The following PDZRN3 variants were observed in gnomAD, a reference collection of about 807,000 sequenced individuals.
PDZRN3 encodes the protein PDZ domain containing ring finger 3, also known as E3 ubiquitin-protein ligase PDZRN3.
In PDZRN3, 38 loss-of-function variants were observed where a neutral mutation model predicts 85.7. The observed-to-expected ratio is 0.44, with a 90% CI of 0.34 to 0.58. PDZRN3 has a LOEUF of 0.58. Among genes scored for constraint, PDZRN3 ranks in the 20% least tolerant of loss-of-function variants. The pLI is 0.01. For missense variants in PDZRN3, 1,629 were observed against 1,506.4 expected (o/e 1.08, Z -1.35); for synonymous variants, 759 against 638.0 (o/e 1.19, Z -2.86).
At chr3:73,487,200 C>A (rs1386466947) in intron 3 of PDZRN3, among the ~76,000 whole-genome samples, 9 of 152,036 alleles carry the variant, frequency 5.9e-5, no homozygotes, top group African/African-American at 1.9e-4. Context: ...GTATTTCCTA[C>A]ATGATAGTGT....
intron 3 of PDZRN3, among the ~76,000 whole-genome samples, chr3:73,404,716 C>CT (rs1168591720): frequency 2.6e-5 from 4 of 152,204 alleles, no homozygotes; most frequent in Admixed American, 1.3e-4. Context: ...GGCTCCGAGC[C>CT]TTTATCAGGC....
intron 3 of PDZRN3, among the ~76,000 whole-genome samples, chr3:73,598,965 C>T (rs1213007668): frequency 6.6e-6 from 1 of 152,154 alleles, no homozygotes; most frequent in African/African-American, 2.4e-5. Context: ...CCAGAGATGA[C>T]ACGAAGAATC....
At chr3:73,569,130 C>G (rs1276661589) in intron 3 of PDZRN3, 1 of 1,275,826 alleles carries the variant, frequency 7.8e-7, no homozygotes, top group Admixed American at 2.3e-5. Flanking sequence ...TCACACACCC[C>G]TTTTCATCAC....
intron 3 of PDZRN3, among the ~76,000 whole-genome samples, chr3:73,459,207 C>T (rs184674292): frequency 2.0e-5 from 3 of 152,064 alleles, no homozygotes; most frequent in Non-Finnish European, 2.9e-5. Flanking sequence ...AAGAACAGTA[C>T]TGGGGAAACC....
intron 1 of PDZRN3, among the ~76,000 whole-genome samples, chr3:73,619,148 C>T (rs1020751626): frequency 4.6e-5 from 7 of 152,142 alleles, no homozygotes; most frequent in Non-Finnish European, 1.5e-5. Flanking sequence ...ATTTTGTTAA[C>T]TGGGTCATCA....
intron 3 of PDZRN3, among the ~76,000 whole-genome samples, chr3:73,600,337 A>ACACACACTCTCT (rs34405662): frequency 2.0e-3 from 199 of 100,074 alleles, no homozygotes; most frequent in Non-Finnish European, 2.7e-3. Flanking sequence ...ACACACACAC[A>ACACACACTCTCT]CTCTCTCTCT....
intron 5 of PDZRN3, among the ~76,000 whole-genome samples, chr3:73,398,224 TC>T (rs1701679172): frequency 6.6e-6 from 1 of 152,126 alleles, no homozygotes; most frequent in African/African-American, 2.4e-5. Flanking sequence ...GCTCAGTCGT[TC>T]CTAGGCCCTG....
At chr3:73,471,005 C>A (rs1703327271) in intron 3 of PDZRN3, among the ~76,000 whole-genome samples, 2 of 152,204 alleles carry the variant, frequency 1.3e-5, no homozygotes, top group Admixed American at 1.3e-4. Context: ...CCACCCCCGA[C>A]TGACTCAAAA....
At chr3:73,444,891 A>G (rs1702718148) in intron 3 of PDZRN3, among the ~76,000 whole-genome samples, 1 of 152,246 alleles carries the variant, frequency 6.6e-6, no homozygotes, top group African/African-American at 2.4e-5. Flanking sequence ...GGAAACGCAG[A>G]AAGAGCTCTC....
intron 3 of PDZRN3, among the ~76,000 whole-genome samples, chr3:73,575,007 G>A (rs1205884462): frequency 6.6e-6 from 1 of 152,152 alleles, no homozygotes; most frequent in African/African-American, 2.4e-5. Context: ...AGAGCAAAGT[G>A]ATGTTTTGTT....
chr3:73,571,254 C>CCCT (rs1244908339), intron 3 of PDZRN3, among the ~76,000 whole-genome samples: 1 of 152,118 alleles, frequency 6.6e-6, no homozygotes, highest in Non-Finnish European at 1.5e-5. Context: ...GTCTTTGTAT[C>CCCT]CCTTTTTTCT....
At chr3:73,493,209 C>A (rs764143574) in intron 3 of PDZRN3, among the ~76,000 whole-genome samples, 7 of 152,004 alleles carry the variant, frequency 4.6e-5, no homozygotes, top group Non-Finnish European at 8.8e-5. Context: ...CTGGGTGACA[C>A]CCAAGGTCTC....
At chr3:73,565,746 T>C (rs1292170314) in intron 3 of PDZRN3, among the ~76,000 whole-genome samples, 1 of 151,006 alleles carries the variant, frequency 6.6e-6, no homozygotes. Context: ...GAGACCGGCC[T>C]GGCCAACATA....
At chr3:73,486,609 T>A (rs188855164) in intron 3 of PDZRN3, among the ~76,000 whole-genome samples, 313 of 152,286 alleles carry the variant, frequency 2.1e-3, no homozygotes, top group African/African-American at 7.3e-3. Context: ...TTAAAAATGG[T>A]TAAAATAGTA....
chr3:73,561,707 G>A (rs1701818421), intron 3 of PDZRN3: 1 of 152,118 alleles, frequency 6.6e-6, no homozygotes, highest in Non-Finnish European at 1.5e-5. Flanking sequence ...GTGCATCTTC[G>A]CATGCGGATC....
chr3:73,457,301 G>A (rs1703004555), intron 3 of PDZRN3, among the ~76,000 whole-genome samples: 1 of 152,100 alleles, frequency 6.6e-6, no homozygotes, highest in South Asian at 2.1e-4. Context: ...TCAAACTCCT[G>A]ACCTCAGGTG....
At chr3:73,486,464 G>A (rs989064418) in intron 3 of PDZRN3, among the ~76,000 whole-genome samples, 1 of 152,002 alleles carries the variant, frequency 6.6e-6, no homozygotes, top group Admixed American at 6.6e-5. Context: ...CATTAAACCA[G>A]CCAAAAAATA....
At chr3:73,489,154 G>C (rs1703721568) in intron 3 of PDZRN3, among the ~76,000 whole-genome samples, 1 of 152,234 alleles carries the variant, frequency 6.6e-6, no homozygotes, top group South Asian at 2.1e-4. Context: ...GTACCCAGCA[G>C]CTAGTGGGCA....
chr3:73,500,847 G>A (rs1006202461), intron 3 of PDZRN3, among the ~76,000 whole-genome samples: 1 of 152,062 alleles, frequency 6.6e-6, no homozygotes, highest in Non-Finnish European at 1.5e-5. Flanking sequence ...TCTTCACACA[G>A]CCTAACTGAT....
Sources: gnomAD v4.1 joint callset for allele counts (sites outside exome capture counted in the v4.1 genomes callset) on GRCh38, gnomAD v4.1.1 for gene constraint, MANE v1.5 for transcripts, NCBI Gene and HGNC (gene_info 2026-07-23, HGNC 2026-07-21) for gene names.